Variants in PPP3R1 observed in about 807,000 individuals in gnomAD.
PPP3R1 encodes the protein protein phosphatase 3 regulatory subunit B, alpha.
Under a neutral mutation model 22.6 loss-of-function variants are expected in PPP3R1, and 5 were observed. That is an observed-to-expected ratio of 0.22 (90% CI 0.12 to 0.46). The LOEUF is 0.46. PPP3R1 is among the 20% of genes least tolerant of loss of function. The pLI, the probability that PPP3R1 is intolerant of heterozygous loss-of-function variation, is 0.99. For synonymous variants in PPP3R1, 56 were observed against 65.2 expected, an observed-to-expected ratio of 0.86 and a Z score of 0.68; for missense variants, 61 against 203.2, an observed-to-expected ratio of 0.30 and a Z score of 4.25.
chr2:68,238,766 A>T (rs1670064570), intron 1 of PPP3R1, among the ~76,000 whole-genome samples: 1 of 152,218 alleles, frequency 6.6e-6, no homozygotes, highest in African/African-American at 2.4e-5. Flanking sequence ...GGGGATGAAG[A>T]AGTAGCAGAT....
intron 1 of PPP3R1, among the ~76,000 whole-genome samples, chr2:68,227,405 G>C (rs1265380826): frequency 6.6e-6 from 1 of 151,948 alleles, no homozygotes; most frequent in African/African-American, 2.4e-5. Context: ...CTAGGGTAAA[G>C]TCACTGACCA....
chr2:68,187,863 T>C (rs1674580109), intron 3 of PPP3R1, among the ~76,000 whole-genome samples: 1 of 84,448 alleles, frequency 1.2e-5, no homozygotes. Context: ...ATTTACTTGT[T>C]AAAACAAACA....
chr2:68,187,150 T>A (rs1674562822), intron 4 of PPP3R1, 105 bp downstream of exon 4: 2 of 951,214 alleles, frequency 2.1e-6, no homozygotes, highest in African/African-American at 3.4e-5. Flanking sequence ...TGTCTAAGGA[T>A]CTGGAATAAA....
At chr2:68,243,490 G>A (rs1160247150) in intron 1 of PPP3R1, among the ~76,000 whole-genome samples, 1 of 152,082 alleles carries the variant, frequency 6.6e-6, no homozygotes, top group Non-Finnish European at 1.5e-5. Flanking sequence ...AATCAAGCTT[G>A]AGTTAAAAAA....
rs1674344856 is a variant in PPP3R1, at chr2:68,178,994, C to CAAAAAA, written c.*1968_*1969insTTTTTT. On this transcript the variant is annotated 3_prime_UTR_variant, in exon 6 of 6. Coordinates refer to ENST00000234310, the MANE Select transcript of PPP3R1 (RefSeq NM_000945.4). ...TCCCTTACCCACCCCCACACACAAACTAAAAAAAAAAAAAAAAAAAAAGAA... is the reference window on the plus strand; with the variant it reads ...TCCCTTACCCACCCCCACACACAAACAAAAAATAAAAAAAAAAAAAAAAAAAAAGAA... The CAAAAAA allele has an allele frequency of 3.2e-5, 1 of 31,278 alleles. No individual in the cohort carries two copies. Among genetic ancestry groups the CAAAAAA allele is most frequent in the Non-Finnish European group, 5.8e-5 (1 of 17,158 alleles). The allele number at this position is 31,278 out of a possible 1,614,324, so 1.9% of individuals were successfully genotyped here. A position where few individuals can be genotyped will look rare whatever the true frequency, so the allele number is the denominator to read the frequency against.
At chr2:68,226,180 G>C (rs1669777837) in intron 1 of PPP3R1, among the ~76,000 whole-genome samples, 1 of 152,156 alleles carries the variant, frequency 6.6e-6, no homozygotes, top group African/African-American at 2.4e-5. Flanking sequence ...GGAGAACAGG[G>C]AGTGAACACA....
At chr2:68,205,988 T>C (rs1161690371) in intron 2 of PPP3R1, among the ~76,000 whole-genome samples, 1 of 152,066 alleles carries the variant, frequency 6.6e-6, no homozygotes, top group East Asian at 1.9e-4. Flanking sequence ...TCGGCTAATT[T>C]TGTATTTTTA....
Position 68,195,276 on chromosome 2 carries a change from C to T in PPP3R1, c.44-6586G>A, listed in dbSNP as rs116016145. Among the ~76,000 whole-genome samples the T allele has an allele frequency of 5.3e-3, 800 of 152,192 alleles. 6 individuals are homozygous for T. The highest frequency in any genetic ancestry group is 0.018 in the African/African-American group (765 of 41,550). The stretch of plus-strand genomic sequence containing the variant: ...ACTTATGATCCAGTATTTTGTAAAA[C>T]TTCCCTCAGTTTGAGCTTCCTGTTT... On this transcript the variant is annotated intron_variant, in intron 2 of 5. Transcript: ENST00000234310.
chr2:68,224,550 G>A (rs1669747636), intron 1 of PPP3R1, among the ~76,000 whole-genome samples: 1 of 151,984 alleles, frequency 6.6e-6, no homozygotes, highest in African/African-American at 2.4e-5. Context: ...TGCAATCCCA[G>A]CTACTCGGGA....
chr2:68,235,626 C>T (rs1012759536), intron 1 of PPP3R1, among the ~76,000 whole-genome samples: 12 of 152,024 alleles, frequency 7.9e-5, no homozygotes, highest in African/African-American at 2.9e-4. Context: ...GGACTGTTTC[C>T]ATTTTTGGCC....
At chr2:68,235,004 G>A (rs1236711433) in intron 1 of PPP3R1, among the ~76,000 whole-genome samples, 1 of 152,114 alleles carries the variant, frequency 6.6e-6, no homozygotes, top group Non-Finnish European at 1.5e-5. Context: ...CCATAAAGAT[G>A]TAACCTGATG....
rs954950729 is a variant in PPP3R1, at chr2:68,179,015, A to G, written c.*1948T>C. The G allele has an allele frequency of 1.2e-4, 15 of 130,160 alleles. 1 individual carries two copies. Among genetic ancestry groups the G allele is most frequent in the South Asian group, 8.6e-4 (3 of 3,498 alleles). The allele number at this position is 130,160 out of a possible 1,614,324, so 8.1% of individuals were successfully genotyped here. ...CAAACTAAAAAAAAAAAAAAAAAAAAAGAAAAAGAAAAAACCCTCATTCCC... is the reference window on the plus strand; with the variant it reads ...CAAACTAAAAAAAAAAAAAAAAAAAGAGAAAAAGAAAAAACCCTCATTCCC... On this transcript the variant is annotated 3_prime_UTR_variant, in exon 6 of 6. Transcript: ENST00000234310.
chr2:68,233,672 T>C (rs536890174), intron 1 of PPP3R1, among the ~76,000 whole-genome samples: 1 of 152,262 alleles, frequency 6.6e-6, no homozygotes, highest in South Asian at 2.1e-4. Flanking sequence ...AAAAATCTGA[T>C]AGCTTTTTTC....
chr2:68,210,877 G>T (rs1669465082), intron 2 of PPP3R1, among the ~76,000 whole-genome samples: 1 of 152,070 alleles, frequency 6.6e-6, no homozygotes. Flanking sequence ...GGAGCATTTT[G>T]GATTTCAAAT....
At chr2:68,207,218 T>C (rs973895465) in intron 2 of PPP3R1, among the ~76,000 whole-genome samples, 17 of 85,980 alleles carry the variant, frequency 2.0e-4, no homozygotes, top group Non-Finnish European at 6.5e-5. Context: ...CAGGAAAATA[T>C]GATAAAAAAA....
chr2:68,191,505 G>A (rs1312221905), intron 2 of PPP3R1, among the ~76,000 whole-genome samples: 1 of 152,160 alleles, frequency 6.6e-6, no homozygotes, highest in African/African-American at 2.4e-5. Flanking sequence ...GTGAGTGACT[G>A]GTGAGTTAAT....
At chr2:68,185,738 C>T (rs1674532315) in intron 5 of PPP3R1, among the ~76,000 whole-genome samples, 2 of 152,016 alleles carry the variant, frequency 1.3e-5, no homozygotes, top group Non-Finnish European at 2.9e-5. Context: ...AAATGGCTTG[C>T]GGTAGCGCCC....
chr2:68,242,575 TAA>T (rs942504461), intron 1 of PPP3R1, among the ~76,000 whole-genome samples: 5 of 152,186 alleles, frequency 3.3e-5, no homozygotes, highest in Non-Finnish European at 7.3e-5. Flanking sequence ...AGAAAGAGTA[TAA>T]GTTAGTTTAT....
In PPP3R1 at chr2:68,180,802, A is replaced by G. The variant is rs915350038; in HGVS notation, c.*161T>C. 5 of 669,102 alleles carry G rather than the reference A, an allele frequency of 7.5e-6. No individual in the cohort carries two copies. The highest frequency in any genetic ancestry group is 2.7e-5 in the Admixed American group (1 of 37,702). 41.4% of individuals were successfully genotyped at this position (669,102 alleles called of 1,614,324 possible). The stretch of plus-strand genomic sequence containing the variant: ...GAGTTATTGAGAGAATTACAGTTCA[A>G]TAACACTTAGTTGGCTTCATGAGGC... On this transcript the variant is annotated 3_prime_UTR_variant, in exon 6 of 6. Transcript: ENST00000234310.
Sources: gnomAD v4.1 joint callset for allele counts (sites outside exome capture counted in the v4.1 genomes callset) on GRCh38, gnomAD v4.1.1 for gene constraint, MANE v1.5 for transcripts, NCBI Gene and HGNC (gene_info 2026-07-23, HGNC 2026-07-21) for gene names.